CDH13: variants seen among roughly 807,000 people sequenced by gnomAD.
CDH13 encodes the protein cadherin 13.
A neutral mutation model predicts 63.8 loss-of-function variants in CDH13; 24 were observed. That is an observed-to-expected ratio of 0.38 (90% CI 0.27 to 0.53). The LOEUF is 0.53. Ranked by LOEUF, CDH13 falls within the 20% of genes least tolerant of loss-of-function variation. The probability of loss-of-function intolerance (pLI) is 0.85; values close to 1 mark genes in which losing one functional copy is unlikely to be tolerated. For missense variants in CDH13, 1,049 were observed against 903.1 expected (o/e 1.16, Z -2.07); for synonymous variants, 503 against 355.3 (o/e 1.42, Z -4.67).
intron 1 of CDH13, among the ~76,000 whole-genome samples, chr16:82,691,216 TGTTA>T (rs1369390929): frequency 7.9e-5 from 12 of 152,156 alleles, no homozygotes; most frequent in East Asian, 1.9e-4. Flanking sequence ...CCAAAGTGTT[TGTTA>T]GTTAGTTACT....
At chr16:83,191,880 C>A (rs1449467662) in intron 4 of CDH13, among the ~76,000 whole-genome samples, 1 of 152,070 alleles carries the variant, frequency 6.6e-6, no homozygotes, top group Non-Finnish European at 1.5e-5. Flanking sequence ...ATGTTCATCT[C>A]CTTTGGCATG....
At chr16:83,073,344 TGTGTGTGTGTGA>T (rs2032583793) in intron 3 of CDH13, among the ~76,000 whole-genome samples, 1 of 133,806 alleles carries the variant, frequency 7.5e-6, no homozygotes, top group Non-Finnish European at 1.6e-5. Context: ...TGTGTGTGTG[TGTGTGTGTGTGA>T]GAGAGAGAGA....
intron 7 of CDH13, among the ~76,000 whole-genome samples, chr16:83,556,497 T>C (rs2075604958): frequency 6.6e-6 from 1 of 152,134 alleles, no homozygotes; most frequent in Non-Finnish European, 1.5e-5. Context: ...CCAAAGTTGT[T>C]GTTGTTCCCA....
intron 7 of CDH13, among the ~76,000 whole-genome samples, chr16:83,523,771 A>C (rs1020708590): frequency 2.6e-5 from 4 of 152,238 alleles, no homozygotes; most frequent in Non-Finnish European, 5.9e-5. Flanking sequence ...TTGCAAGGAC[A>C]ACATTGAACA....
At chr16:83,030,956 A>T (rs918693441) in intron 2 of CDH13, among the ~76,000 whole-genome samples, 1 of 151,900 alleles carries the variant, frequency 6.6e-6, no homozygotes, top group East Asian at 2.0e-4. Flanking sequence ...ACTGAGCATG[A>T]AAGAAATATA....
intron 5 of CDH13, among the ~76,000 whole-genome samples, chr16:83,318,394 A>G (rs1330057830): frequency 6.6e-6 from 1 of 152,186 alleles, no homozygotes; most frequent in African/African-American, 2.4e-5. Context: ...AGTCATTTCT[A>G]CTGTTAAAAC....
intron 3 of CDH13, among the ~76,000 whole-genome samples, chr16:83,093,760 C>T (rs1250436625): frequency 6.6e-6 from 1 of 152,152 alleles, no homozygotes; most frequent in East Asian, 1.9e-4. Context: ...AGTCCTTTGT[C>T]CAAGGAATTC....
At chr16:83,143,708 C>T (rs1177637380) in intron 4 of CDH13, among the ~76,000 whole-genome samples, 1 of 152,128 alleles carries the variant, frequency 6.6e-6, no homozygotes, top group Admixed American at 6.5e-5. Flanking sequence ...CTGCTGGGTG[C>T]TTCGTTCTGC....
At chr16:83,008,766 A>G (rs1219761119) in intron 2 of CDH13, among the ~76,000 whole-genome samples, 1 of 152,142 alleles carries the variant, frequency 6.6e-6, no homozygotes, top group Non-Finnish European at 1.5e-5. Context: ...CCTTCCTTTC[A>G]TCTTCACAGA....
intron 5 of CDH13, among the ~76,000 whole-genome samples, chr16:83,300,358 C>G (rs1266493565): frequency 1.3e-5 from 2 of 152,218 alleles, no homozygotes; most frequent in Non-Finnish European, 2.9e-5. Context: ...TGTGTACTTA[C>G]TGTTCTTTAT....
At chr16:82,675,092 A>G (rs769787076) in intron 1 of CDH13, among the ~76,000 whole-genome samples, 2 of 148,346 alleles carry the variant, frequency 1.3e-5, no homozygotes, top group Non-Finnish European at 3.0e-5. Context: ...GGGAATGGAT[A>G]TCATTTTAGC....
At chr16:83,744,643 C>T (rs1912399021) in intron 10 of CDH13, among the ~76,000 whole-genome samples, 1 of 152,180 alleles carries the variant, frequency 6.6e-6, no homozygotes, top group African/African-American at 2.4e-5. Flanking sequence ...ACACACAGGG[C>T]CATGACCCCA....
chr16:83,649,186 T>G (rs1443786329), intron 8 of CDH13, among the ~76,000 whole-genome samples: 1 of 152,274 alleles, frequency 6.6e-6, no homozygotes, highest in African/African-American at 2.4e-5. Context: ...TGAGCCTTCC[T>G]GCTCCATGTG....
chr16:83,042,586 G>A (rs1917420848), intron 3 of CDH13, among the ~76,000 whole-genome samples: 1 of 152,152 alleles, frequency 6.6e-6, no homozygotes, highest in Admixed American at 6.5e-5. Flanking sequence ...TAATGCACTT[G>A]AATCATCCCA....
At chr16:83,365,957 G>A (rs1465480974) in intron 6 of CDH13, among the ~76,000 whole-genome samples, 1 of 152,124 alleles carries the variant, frequency 6.6e-6, no homozygotes, top group African/African-American at 2.4e-5. Context: ...TTGGCCTTAT[G>A]AGCCCCTAAG....
At chr16:83,052,966 C>T (rs1408185923) in intron 3 of CDH13, among the ~76,000 whole-genome samples, 2 of 151,812 alleles carry the variant, frequency 1.3e-5, no homozygotes, top group African/African-American at 4.9e-5. Context: ...CGATAGAAGA[C>T]CGTGAAAGAG....
At chr16:82,954,457 G>A (rs1407928628) in intron 2 of CDH13, 1 of 152,100 alleles carries the variant, frequency 6.6e-6, no homozygotes, top group Non-Finnish European at 1.5e-5. Context: ...TACAAGAGAG[G>A]AAGTCAAGAA....
chr16:83,769,629 T>C (rs916465139), intron 11 of CDH13, among the ~76,000 whole-genome samples: 1 of 152,102 alleles, frequency 6.6e-6, no homozygotes, highest in Non-Finnish European at 1.5e-5. Context: ...TACAGTTGAG[T>C]TGGTGCCTTC....
intron 1 of CDH13, among the ~76,000 whole-genome samples, chr16:82,835,403 A>G (rs1409547659): frequency 6.6e-6 from 1 of 152,194 alleles, no homozygotes; most frequent in Non-Finnish European, 1.5e-5. Context: ...TTTAAACTCC[A>G]AAGCTACCCC....
Sources: allele counts gnomAD v4.1 joint callset (sites outside exome capture counted in the v4.1 genomes callset), GRCh38; gene constraint gnomAD v4.1.1; transcripts MANE v1.5; gene names NCBI Gene and HGNC (gene_info 2026-07-23, HGNC 2026-07-21).